LYPD6: variants seen among roughly 807,000 people sequenced by gnomAD.
LYPD6 encodes the protein ly6/PLAUR domain-containing protein 6.
A neutral mutation model predicts 22.7 loss-of-function variants in LYPD6; 15 were observed. That is an observed-to-expected ratio of 0.66 (90% CI 0.44 to 1.02). LYPD6 has a LOEUF of 1.02. Ranked by LOEUF, LYPD6 falls within the 50% of genes least tolerant of loss-of-function variation. The probability of loss-of-function intolerance (pLI) is 0.00; values close to 1 mark genes in which losing one functional copy is unlikely to be tolerated. For missense variants in LYPD6, 189 were observed against 208.4 expected (o/e 0.91, Z 0.57); for synonymous variants, 72 against 77.5 (o/e 0.93, Z 0.37).
intron 1 of LYPD6, among the ~76,000 whole-genome samples, chr2:149,436,873 G>A (rs986223382): frequency 6.6e-6 from 1 of 152,134 alleles, no homozygotes; most frequent in South Asian, 2.1e-4. Context: ...GAGCCACTAC[G>A]CCCATCCAAT....
intron 1 of LYPD6, among the ~76,000 whole-genome samples, chr2:149,401,669 A>G (rs1360354920): frequency 6.6e-6 from 1 of 152,162 alleles, no homozygotes; most frequent in African/African-American, 2.4e-5. Flanking sequence ...TTTGTGTCCA[A>G]TGTTTATTCC....
At chr2:149,336,337 A>C (rs1439526270) in intron 1 of LYPD6, among the ~76,000 whole-genome samples, 1 of 152,188 alleles carries the variant, frequency 6.6e-6, no homozygotes, top group Non-Finnish European at 1.5e-5. Flanking sequence ...TAGGAAGAAA[A>C]ATAATAGAAG....
intron 1 of LYPD6, among the ~76,000 whole-genome samples, chr2:149,357,558 A>C (rs921489906): frequency 6.6e-6 from 1 of 152,220 alleles, no homozygotes; most frequent in African/African-American, 2.4e-5. Context: ...CACAGATGAA[A>C]TAAAAATAAA....
intron 1 of LYPD6, among the ~76,000 whole-genome samples, chr2:149,423,443 C>T (rs1683123783): frequency 6.6e-6 from 1 of 152,068 alleles, no homozygotes; most frequent in Non-Finnish European, 1.5e-5. Flanking sequence ...AGATTTTAAC[C>T]ACCCTGTACA....
intron 1 of LYPD6, among the ~76,000 whole-genome samples, chr2:149,342,404 C>T (rs770442077): frequency 3.9e-5 from 6 of 152,078 alleles, no homozygotes; most frequent in East Asian, 1.9e-4. Context: ...TTTAATTATT[C>T]GTGTGTAATT....
the LYPD6 span, among the ~76,000 whole-genome samples, chr2:149,479,407 T>G: frequency 7.9e-5 from 12 of 152,318 alleles, no homozygotes; most frequent in African/African-American, 2.6e-4. Context: ...AGACTCCTTC[T>G]ATGAATTCTA....
intron 3 of LYPD6, among the ~76,000 whole-genome samples, chr2:149,468,132 A>AAC (rs58309346): frequency 0.13 from 14,902 of 114,380 alleles, 1,187 homozygotes; most frequent in Non-Finnish European, 0.16. Context: ...GCTTCCCCCC[A>AAC]ACACACACAC....
chr2:149,341,006 G>T (rs1204098501), intron 1 of LYPD6, among the ~76,000 whole-genome samples: 1 of 151,416 alleles, frequency 6.6e-6, no homozygotes, highest in Non-Finnish European at 1.5e-5. Context: ...TAAAAATATT[G>T]CCATTTAAAA....
chr2:149,345,576 A>G (rs1681240175), intron 1 of LYPD6, among the ~76,000 whole-genome samples: 1 of 151,728 alleles, frequency 6.6e-6, no homozygotes, highest in South Asian at 2.1e-4. Context: ...CGGCCTCCCA[A>G]AGTGCTGGGA....
chr2:149,375,671 A>G (rs1204311502), intron 1 of LYPD6, among the ~76,000 whole-genome samples: 3 of 152,170 alleles, frequency 2.0e-5, no homozygotes, highest in Non-Finnish European at 2.9e-5. Context: ...AACTGTTACC[A>G]TGACATTTGA....
chr2:149,338,424 G>A (rs892031180), intron 1 of LYPD6, among the ~76,000 whole-genome samples: 2 of 152,192 alleles, frequency 1.3e-5, no homozygotes, highest in South Asian at 2.1e-4. Context: ...CTGAATAGTG[G>A]CATACCTCCA....
the LYPD6 span, among the ~76,000 whole-genome samples, chr2:149,479,736 C>T: frequency 6.6e-6 from 1 of 152,324 alleles, no homozygotes; most frequent in Non-Finnish European, 1.5e-5. Context: ...ATGATCACAT[C>T]TTTCCCAGCA....
chr2:149,409,779 C>T (rs1239408740), intron 1 of LYPD6, among the ~76,000 whole-genome samples: 2 of 152,106 alleles, frequency 1.3e-5, no homozygotes, highest in East Asian at 3.9e-4. Context: ...GCTGGCAGTC[C>T]TAAAGGCTGG....
rs748373964 is a variant in LYPD6 at position 149,468,747 on chromosome 2, G to A, written c.320G>A (p.Cys107Tyr). 2.5e-6 allele frequency: 4 copies of A among 1,613,596 alleles called. No homozygotes were observed. Among genetic ancestry groups the A allele is most frequent in the Non-Finnish European group, 2.5e-6 (3 of 1,179,700 alleles). Residue 107 changes from cysteine to tyrosine, a missense_variant, in exon 4 of 5, where the codon TGC becomes TAC. By Grantham distance (194) the Cys-to-Tyr change is radical (BLOSUM62 -2). Coordinates refer to ENST00000334166, the MANE Select transcript of LYPD6 (RefSeq NM_194317.5). ...CTGGAAGAGTGCTTATCCACTGGCT[G>A]CAGAGACTCCGAGCATGAAGGCCAC... Reference protein sequence around the residue: ...VPLEECLSTGCRDSEHEGHKV... With the variant: ...VPLEECLSTGYRDSEHEGHKV...
At chr2:149,459,878 G>T (rs547063372) in intron 3 of LYPD6, among the ~76,000 whole-genome samples, 1 of 149,710 alleles carries the variant, frequency 6.7e-6, no homozygotes, top group South Asian at 2.2e-4. Context: ...CTCTAGCCTG[G>T]GTGACAGAGT....
chr2:149,436,412 G>A (rs1010476231), intron 1 of LYPD6, among the ~76,000 whole-genome samples: 3 of 152,170 alleles, frequency 2.0e-5, no homozygotes, highest in African/African-American at 4.8e-5. Context: ...CAAGAGAATA[G>A]CACCTATATA....
chr2:149,379,224 G>A (rs1461771368), intron 1 of LYPD6, among the ~76,000 whole-genome samples: 1 of 152,108 alleles, frequency 6.6e-6, no homozygotes, highest in Non-Finnish European at 1.5e-5. Context: ...CAGATGAGCA[G>A]CTTTAAATTG....
chr2:149,448,091 C>G (rs919839377), intron 2 of LYPD6, among the ~76,000 whole-genome samples: 1 of 152,162 alleles, frequency 6.6e-6, no homozygotes, highest in African/African-American at 2.4e-5. Flanking sequence ...GTCAGGAGTT[C>G]AAGACCAGCC....
chr2:149,341,659 C>T (rs187204171), intron 1 of LYPD6, among the ~76,000 whole-genome samples: 11 of 152,230 alleles, frequency 7.2e-5, no homozygotes, highest in African/African-American at 2.6e-4. Context: ...AAATTTATTT[C>T]TCACACATCT....
Sources: allele counts gnomAD v4.1 joint callset (sites outside exome capture counted in the v4.1 genomes callset), GRCh38; gene constraint gnomAD v4.1.1; transcripts MANE v1.5; gene names NCBI Gene and HGNC (gene_info 2026-07-23, HGNC 2026-07-21).